The following NIPBL variants were observed in gnomAD, a reference collection of about 807,000 sequenced individuals.
NIPBL encodes NIPBL cohesin loading factor.
A neutral mutation model predicts 321.8 loss-of-function variants in NIPBL; 19 were observed. The ratio of observed to expected loss-of-function variants is 0.06; its 90% CI spans 0.04 to 0.09. The LOEUF is 0.09. NIPBL is among the 10% of genes least tolerant of loss of function. The pLI, the probability that NIPBL is intolerant of heterozygous loss-of-function variation, is 1.00. For missense variants in NIPBL, 2,210 were observed against 3,327.0 expected, an observed-to-expected ratio of 0.66 and a Z score of 8.26; for synonymous variants, 1,106 against 1,114.1, an observed-to-expected ratio of 0.99 and a Z score of 0.14.
intron 6 of NIPBL, among the ~76,000 whole-genome samples, chr5:36,965,188 A>G (rs760548122): frequency 6.6e-6 from 1 of 152,154 alleles, no homozygotes; most frequent in East Asian, 1.9e-4. Flanking sequence ...TATGTATCCA[A>G]AAGAAAGGGA....
At chr5:36,997,475 C>G (rs746994825) in intron 11 of NIPBL, among the ~76,000 whole-genome samples, 1 of 152,128 alleles carries the variant, frequency 6.6e-6, no homozygotes, top group African/African-American at 2.4e-5. Flanking sequence ...ATTCTTTTCC[C>G]CTTGCTTTCT....
At chr5:36,899,375 A>G (rs1747032406) in intron 1 of NIPBL, among the ~76,000 whole-genome samples, 2 of 152,172 alleles carry the variant, frequency 1.3e-5, no homozygotes, top group Non-Finnish European at 2.9e-5. Flanking sequence ...TGTACTTACA[A>G]ATTAATATGT....
intron 1 of NIPBL, among the ~76,000 whole-genome samples, chr5:36,948,875 C>T (rs1302937783): frequency 6.6e-6 from 1 of 151,752 alleles, no homozygotes; most frequent in Admixed American, 6.6e-5. Flanking sequence ...CACCATACTT[C>T]ACTGTCACAT....
At chr5:37,049,911 A>G (rs1213016349) in intron 40 of NIPBL, among the ~76,000 whole-genome samples, 1 of 152,174 alleles carries the variant, frequency 6.6e-6, no homozygotes, top group East Asian at 1.9e-4. Context: ...TATACCCTTC[A>G]AGATTTTTAT....
chr5:36,989,530 G>C (rs1745236350), intron 10 of NIPBL, among the ~76,000 whole-genome samples: 1 of 151,922 alleles, frequency 6.6e-6, no homozygotes, highest in Admixed American at 6.6e-5. Flanking sequence ...CTAATGTATA[G>C]TGTCTCTAAA....
At chr5:37,000,247 A>G in intron 11 of NIPBL, 126 bp from the exon 12 acceptor site, 6 of 876,054 alleles carry the variant, frequency 6.8e-6, no homozygotes, top group Middle Eastern at 6.6e-4. Context: ...GGATAGACAA[A>G]ATCACTGAAT....
intron 9 of NIPBL, among the ~76,000 whole-genome samples, chr5:36,984,316 T>C (rs1324610972): frequency 6.6e-6 from 1 of 152,096 alleles, no homozygotes; most frequent in African/African-American, 2.4e-5. Flanking sequence ...CTGGTTGCTT[T>C]ATTATTAGGA....
At chr5:36,913,047 C>T (rs759200563) in intron 1 of NIPBL, among the ~76,000 whole-genome samples, 5 of 151,962 alleles carry the variant, frequency 3.3e-5, no homozygotes, top group Admixed American at 6.6e-5. Context: ...AATTGTTCAA[C>T]GTTAAAGGAG....
intron 1 of NIPBL, among the ~76,000 whole-genome samples, chr5:36,892,466 C>T (rs1239254142): frequency 6.6e-6 from 1 of 152,182 alleles, no homozygotes; most frequent in Non-Finnish European, 1.5e-5. Context: ...ATAAATCATG[C>T]TGCTATAAAG....
chr5:36,967,636 G>T (rs1024279375), intron 6 of NIPBL, among the ~76,000 whole-genome samples: 1 of 152,120 alleles, frequency 6.6e-6, no homozygotes, highest in East Asian at 1.9e-4. Context: ...TCCTGTTCCC[G>T]AATTGAAACA....
chr5:36,938,766 A>G (rs576717238), intron 1 of NIPBL, among the ~76,000 whole-genome samples: 66 of 152,308 alleles, frequency 4.3e-4, no homozygotes, highest in African/African-American at 1.6e-3. Context: ...TTCTCACAAT[A>G]ATACAATTTT....
chr5:36,957,182 A>G (rs1356078756), intron 3 of NIPBL, among the ~76,000 whole-genome samples: 1 of 152,134 alleles, frequency 6.6e-6, no homozygotes, highest in Non-Finnish European at 1.5e-5. Context: ...ATCATCTCCC[A>G]TGGTTATGAA....
chr5:36,919,282 TAA>T (rs1748731768), intron 1 of NIPBL, among the ~76,000 whole-genome samples: 1 of 152,268 alleles, frequency 6.6e-6, no homozygotes, highest in Non-Finnish European at 1.5e-5. Flanking sequence ...ATCTTCAGAA[TAA>T]AAGACTGCCC....
intron 34 of NIPBL, among the ~76,000 whole-genome samples, chr5:37,040,708 A>G (rs1475172907): frequency 6.6e-6 from 1 of 152,210 alleles, no homozygotes; most frequent in Non-Finnish European, 1.5e-5. Context: ...TTGTTGGAAC[A>G]GTTTCTGAGA....
chr5:36,998,910 CT>C (rs1314073361), intron 11 of NIPBL, among the ~76,000 whole-genome samples: 1 of 152,074 alleles, frequency 6.6e-6, no homozygotes, highest in Non-Finnish European at 1.5e-5. Flanking sequence ...AAATTCATAC[CT>C]AATTATGAAG....
At chr5:36,903,541 G>A (rs1747395146) in intron 1 of NIPBL, among the ~76,000 whole-genome samples, 1 of 152,122 alleles carries the variant, frequency 6.6e-6, no homozygotes, top group East Asian at 1.9e-4. Context: ...GACAGTGGTA[G>A]GCTTTATCTA....
intron 21 of NIPBL, among the ~76,000 whole-genome samples, chr5:37,014,200 AGAGAGGGAGAGGGAGACCGTGGAGAGG>A (rs1264578523): frequency 3.0e-4 from 45 of 151,864 alleles, no homozygotes; most frequent in Non-Finnish European, 5.3e-4. Flanking sequence ...GACCGTGGAA[AGAGAGGGAGAGGGAGACCGTGGAGAGG>A]GAGAGGGAGA....
chr5:37,000,697 T>C, intron 12 of NIPBL, 120 bp from the exon 13 acceptor site: 3 of 1,272,106 alleles, frequency 2.4e-6, no homozygotes, highest in Non-Finnish European at 3.4e-6. Context: ...AAATACTTAG[T>C]TTCTATGTGC....
chr5:37,053,874 G>A (rs300058), intron 42 of NIPBL, among the ~76,000 whole-genome samples: 84,997 of 151,648 alleles, frequency 0.56, 25,828 homozygotes, highest in African/African-American at 0.82. Flanking sequence ...CACAGAGCAC[G>A]CATGAACCTA....
Sources: gnomAD v4.1 joint callset for allele counts (sites outside exome capture counted in the v4.1 genomes callset) on GRCh38, gnomAD v4.1.1 for gene constraint, MANE v1.5 for transcripts, NCBI Gene and HGNC (gene_info 2026-07-23, HGNC 2026-07-21) for gene names.